The following GRM1 variants were observed in gnomAD, a reference collection of about 807,000 sequenced individuals.
GRM1 encodes metabotropic glutamate receptor 1.
GRM1 carries 33 observed loss-of-function variants against 90.9 expected under a neutral mutation model. The observed-to-expected ratio is 0.36, with a 90% CI of 0.28 to 0.49. GRM1 has a LOEUF of 0.49. Ranked by LOEUF, GRM1 falls within the 20% of genes least tolerant of loss-of-function variation. The probability of loss-of-function intolerance (pLI) is 0.99; values close to 1 mark genes in which losing one functional copy is unlikely to be tolerated. For missense variants in GRM1, 1,190 were observed against 1,534.3 expected, an observed-to-expected ratio of 0.78 and a Z score of 3.75; for synonymous variants, 700 against 613.2, an observed-to-expected ratio of 1.14 and a Z score of -2.09.
intron 1 of GRM1, among the ~76,000 whole-genome samples, chr6:146,125,626 G>T (rs1215631907): frequency 6.6e-6 from 1 of 151,072 alleles, no homozygotes; most frequent in African/African-American, 2.4e-5. Context: ...TATATTTGAG[G>T]CTAAGGTAAT....
At chr6:146,106,279 A>G (rs1209577047) in intron 1 of GRM1, among the ~76,000 whole-genome samples, 2 of 152,216 alleles carry the variant, frequency 1.3e-5, no homozygotes, top group Non-Finnish European at 2.9e-5. Flanking sequence ...CAACTGGATC[A>G]CCTTGTCACT....
At chr6:146,125,910 T>C (rs1425156038) in intron 1 of GRM1, among the ~76,000 whole-genome samples, 1 of 152,176 alleles carries the variant, frequency 6.6e-6, no homozygotes, top group East Asian at 1.9e-4. Context: ...ATTTGACTGA[T>C]CAGAGTACTA....
At chr6:146,429,298 C>T (rs1778321375) in intron 7 of GRM1, among the ~76,000 whole-genome samples, 1 of 152,142 alleles carries the variant, frequency 6.6e-6, no homozygotes, top group Non-Finnish European at 1.5e-5. Context: ...AAATTCTTTA[C>T]CTTACAGCTA....
chr6:146,358,085 C>A (rs868119230), intron 5 of GRM1, among the ~76,000 whole-genome samples: 1 of 152,194 alleles, frequency 6.6e-6, no homozygotes, highest in Non-Finnish European at 1.5e-5. Flanking sequence ...AATAAGCAAA[C>A]AACCAAAATA....
chr6:146,404,055 A>C (rs1777248005), intron 7 of GRM1, among the ~76,000 whole-genome samples: 1 of 152,234 alleles, frequency 6.6e-6, no homozygotes, highest in Non-Finnish European at 1.5e-5. Flanking sequence ...CTCATTTACT[A>C]TTCTGGCTCA....
At chr6:146,046,929 A>G (rs1374358499) in intron 1 of GRM1, among the ~76,000 whole-genome samples, 1 of 151,978 alleles carries the variant, frequency 6.6e-6, no homozygotes, top group Non-Finnish European at 1.5e-5. Flanking sequence ...GGTATTTGAA[A>G]TAAGAGGCAT....
At position 146,399,132 on chromosome 6, in the gene GRM1, C is replaced by T; in HGVS notation, c.2093C>T (p.Pro698Leu). Residue 698 changes from proline to leucine, a missense_variant, in exon 7 of 8, where the codon CCC becomes CTC. Around this residue, in one of 10 missense-constraint regions of GRM1, gnomAD observed 414 missense variants for 598.4 expected, o/e 0.69. Transcript: ENST00000282753. This position sits in a 1 kb window ranked among gnomAD's most constrained non-coding sequence, Gnocchi z 5.4. ...GSKKKICTRK[P>L]RFMSAWAQVI... is the part of the protein sequence containing the mutation. Reference sequence around the variant, plus strand: ...AAGAAGAAGATCTGCACCCGGAAGCCCAGGTTCATGAGTGCCTGGGCTCAG... The same window carrying T: ...AAGAAGAAGATCTGCACCCGGAAGCTCAGGTTCATGAGTGCCTGGGCTCAG... 1 of 1,614,098 alleles carries T rather than the reference C, an allele frequency of 6.2e-7. No homozygotes were observed. The highest frequency in any genetic ancestry group is 8.5e-7 in the Non-Finnish European group (1 of 1,180,008).
intron 2 of GRM1, among the ~76,000 whole-genome samples, chr6:146,224,985 G>A (rs1398899908): frequency 2.0e-5 from 3 of 152,132 alleles, no homozygotes; most frequent in Admixed American, 6.6e-5. Context: ...TACAGGAGAT[G>A]CATCCCCTTC....
chr6:146,210,882 T>C (rs1356811211), intron 2 of GRM1, among the ~76,000 whole-genome samples: 1 of 152,102 alleles, frequency 6.6e-6, no homozygotes, highest in South Asian at 2.1e-4. Context: ...GGCTTGTGTA[T>C]GCTAAAGAAT....
At chr6:146,312,038 C>T (rs1783789242) in intron 3 of GRM1, among the ~76,000 whole-genome samples, 1 of 148,708 alleles carries the variant, frequency 6.7e-6, no homozygotes. Flanking sequence ...GCAATTGTTA[C>T]AGTAACTGTT....
chr6:146,414,466 C>T (rs1488738419), intron 7 of GRM1, among the ~76,000 whole-genome samples: 3 of 151,470 alleles, frequency 2.0e-5, no homozygotes, highest in Non-Finnish European at 2.9e-5. Flanking sequence ...TGGAGTGGCA[C>T]GATCTCGGCG....
intron 3 of GRM1, among the ~76,000 whole-genome samples, chr6:146,333,475 A>T (rs1374649667): frequency 1.3e-5 from 2 of 152,144 alleles, no homozygotes; most frequent in Non-Finnish European, 2.9e-5. Context: ...TCTCTTCTTC[A>T]TTCCTTTGGC....
At chr6:146,310,242 T>C (rs906863335) in intron 3 of GRM1, among the ~76,000 whole-genome samples, 11 of 152,224 alleles carry the variant, frequency 7.2e-5, no homozygotes, top group Admixed American at 6.5e-4. Flanking sequence ...ATACTAATTT[T>C]CATAATATAT....
chr6:146,231,360 A>C (rs1191483268), intron 2 of GRM1, among the ~76,000 whole-genome samples: 2 of 152,114 alleles, frequency 1.3e-5, no homozygotes, highest in African/African-American at 4.8e-5. Flanking sequence ...TAAGGGCAAC[A>C]CTTTAAATGT....
intron 2 of GRM1, among the ~76,000 whole-genome samples, chr6:146,188,899 G>GT (rs1401200091): frequency 5.9e-5 from 9 of 152,208 alleles, no homozygotes; most frequent in Admixed American, 2.6e-4. Context: ...CTGCCCTCAC[G>GT]TTTTTTATCA....
chr6:146,140,859 T>A (rs551036426), intron 1 of GRM1, among the ~76,000 whole-genome samples: 2 of 152,354 alleles, frequency 1.3e-5, no homozygotes, highest in South Asian at 4.1e-4. Flanking sequence ...GTTATTAATT[T>A]TGATTAGTTC....
At chr6:146,197,614 C>A (rs760172718) in intron 2 of GRM1, among the ~76,000 whole-genome samples, 2 of 152,330 alleles carry the variant, frequency 1.3e-5, no homozygotes, top group Non-Finnish European at 2.9e-5. Flanking sequence ...GATGTCCAGA[C>A]AACCCAGATC....
chr6:146,230,299 C>T (rs1780403603), intron 2 of GRM1, among the ~76,000 whole-genome samples: 1 of 152,068 alleles, frequency 6.6e-6, no homozygotes. Context: ...ATACAAAGAA[C>T]TCTGAAAACT....
In GRM1 at chr6:146,188,544, C is replaced by T. The variant is rs544081072; in HGVS notation, c.950+28947C>T. Among the ~76,000 whole-genome samples, 8 of 152,290 alleles carry T rather than the reference C, an allele frequency of 5.3e-5. No homozygotes were observed. In the East Asian group the frequency reaches 1.3e-3, roughly 26 times the overall value. ...GAAGACTCCCATGAATATTATCCTACTTTTAAATGTTAATGTCAGAATGTT... is the reference window on the plus strand; with the variant it reads ...GAAGACTCCCATGAATATTATCCTATTTTTAAATGTTAATGTCAGAATGTT... On this transcript the variant is annotated intron_variant, in intron 2 of 7. Transcript: ENST00000282753.
Sources: gnomAD v4.1 joint callset for allele counts (sites outside exome capture counted in the v4.1 genomes callset) on GRCh38, gnomAD v4.1.1 for gene constraint, gnomAD v4.1.1 regional missense constraint, Gnocchi (gnomAD v3.1) non-coding constraint, MANE v1.5 for transcripts, NCBI Gene and HGNC (gene_info 2026-07-23, HGNC 2026-07-21) for gene names.